The following GPM6A variants were observed in gnomAD, a reference collection of about 807,000 sequenced individuals.
The protein encoded by GPM6A is glycoprotein M6A, also known as neuronal membrane glycoprotein M6-a.
In GPM6A, 7 loss-of-function variants were observed where a neutral mutation model predicts 32.1. The observed-to-expected ratio is 0.22, with a 90% CI of 0.12 to 0.41. The LOEUF is 0.41. GPM6A is among the 10% of genes least tolerant of loss of function. The pLI is 1.00. For missense variants in GPM6A, 235 were observed against 347.2 expected (o/e 0.68, Z 2.57); for synonymous variants, 130 against 123.4 (o/e 1.05, Z -0.35).
chr4:175,794,072 T>C (rs1265939782), intron 1 of GPM6A, among the ~76,000 whole-genome samples: 3 of 152,212 alleles, frequency 2.0e-5, no homozygotes, highest in South Asian at 2.1e-4. Context: ...ATTTTCCTTC[T>C]AGAGTAATAC....
rs190401176 is a variant in GPM6A at position 175,932,638 on chromosome 4, T to C, written c.-23+69671A>G. ...AAAACAAAAATAATAGCAAAATATT[T>C]TGGATTTATAACATGTATAGAAAGA... is the stretch of plus-strand genomic sequence containing the variant. On this transcript the variant is annotated intron_variant, in intron 1 of 7. Transcript: ENST00000280187. 2.0e-3 allele frequency among the ~76,000 whole-genome samples: 308 copies of C among 152,214 alleles called. 2 individuals carry two copies. The highest frequency in any genetic ancestry group is 6.8e-3 in the African/African-American group (283 of 41,552).
At chr4:175,754,217 G>A (rs1251096346) in intron 1 of GPM6A, among the ~76,000 whole-genome samples, 1 of 152,110 alleles carries the variant, frequency 6.6e-6, no homozygotes, top group East Asian at 1.9e-4. Context: ...CTAGATGCAT[G>A]GGTATGTGCC....
intron 1 of GPM6A, among the ~76,000 whole-genome samples, chr4:175,842,815 C>T (rs1735981038): frequency 6.6e-6 from 1 of 151,690 alleles, no homozygotes; most frequent in African/African-American, 2.4e-5. Flanking sequence ...AAATATTGAC[C>T]TTATAGGTCA....
intron 1 of GPM6A, among the ~76,000 whole-genome samples, chr4:175,905,437 C>A (rs1395260000): frequency 6.6e-6 from 1 of 151,850 alleles, no homozygotes; most frequent in Admixed American, 6.6e-5. Context: ...TTATGTGTGG[C>A]CCAAGACAAT....
chr4:175,837,109 T>C (rs942527299), intron 1 of GPM6A, among the ~76,000 whole-genome samples: 1 of 151,230 alleles, frequency 6.6e-6, no homozygotes, highest in East Asian at 1.9e-4. Context: ...ATGTGACAAA[T>C]AGAGTAAGAA....
At chr4:175,974,887 T>G (rs1036848170) in intron 1 of GPM6A, among the ~76,000 whole-genome samples, 1 of 152,102 alleles carries the variant, frequency 6.6e-6, no homozygotes, top group African/African-American at 2.4e-5. Flanking sequence ...TCTCCCTATA[T>G]TGCCCAGGCT....
chr4:175,994,702 T>C (rs1279491544), intron 1 of GPM6A, among the ~76,000 whole-genome samples: 1 of 152,192 alleles, frequency 6.6e-6, no homozygotes, highest in Non-Finnish European at 1.5e-5. Context: ...GGGCAATTTC[T>C]TACAATAAGA....
chr4:175,979,613 A>G (rs1740765076), intron 1 of GPM6A, among the ~76,000 whole-genome samples: 1 of 152,120 alleles, frequency 6.6e-6, no homozygotes, highest in Non-Finnish European at 1.5e-5. Flanking sequence ...AAAAAAATAC[A>G]TATAAAAAAA....
chr4:175,774,862 C>G (rs1733329814), intron 1 of GPM6A, among the ~76,000 whole-genome samples: 1 of 152,044 alleles, frequency 6.6e-6, no homozygotes, highest in Admixed American at 6.6e-5. Context: ...GTTCATAATA[C>G]TGATGCTATA....
rs78545405 is a variant in GPM6A at position 175,726,734 on chromosome 4, A to G, written c.38-24967T>C. ...CTTTAACTTTTTATAAAAGGTTCAT[A>G]TCTTTAATCCCAGCATGTGGGGAGG... is the stretch of plus-strand genomic sequence containing the variant. On this transcript the variant is annotated intron_variant, in intron 1 of 6. Transcript: ENST00000393658. Among the ~76,000 whole-genome samples the G allele has an allele frequency of 2.0e-3, 304 of 152,314 alleles. 1 individual carries two copies. Among genetic ancestry groups the G allele is most frequent in the African/African-American group, 4.3e-3 (178 of 41,572 alleles).
intron 1 of GPM6A, among the ~76,000 whole-genome samples, chr4:175,994,871 C>G (rs1741256274): frequency 1.3e-5 from 2 of 152,192 alleles, no homozygotes; most frequent in African/African-American, 4.8e-5. Flanking sequence ...GCTGCTTTAT[C>G]AACTAAGTTT....
chr4:175,832,452 A>G (rs142442186), intron 1 of GPM6A, among the ~76,000 whole-genome samples: 109 of 152,286 alleles, frequency 7.2e-4, no homozygotes, highest in Middle Eastern at 3.4e-3. Context: ...TTTATATTCA[A>G]AGTTCCTGAT....
At chr4:175,817,136 G>T (rs571856689), upstream of GPM6A, among the ~76,000 whole-genome samples, 1 of 152,302 alleles carries the variant, frequency 6.6e-6, no homozygotes, top group South Asian at 2.1e-4. Context: ...GGGATTACGG[G>T]CGTGAGCCAC....
chr4:175,708,839 A>G (rs1157948270), intron 1 of GPM6A, among the ~76,000 whole-genome samples: 5 of 152,174 alleles, frequency 3.3e-5, no homozygotes, highest in Non-Finnish European at 1.5e-5. Context: ...TTTCTAGTGA[A>G]GTTTATACCA....
chr4:175,748,101 T>C (rs554330442), intron 1 of GPM6A, among the ~76,000 whole-genome samples: 1 of 152,302 alleles, frequency 6.6e-6, no homozygotes, highest in South Asian at 2.1e-4. Flanking sequence ...AGTTCTCTTG[T>C]TCTTTCCTCT....
chr4:175,831,690 C>A, intron 1 of GPM6A, among the ~76,000 whole-genome samples: 1 of 129,680 alleles, frequency 7.7e-6, no homozygotes, highest in Non-Finnish European at 1.6e-5. Context: ...ACAAATAGAA[C>A]TTGTTAAGGC....
chr4:175,647,570 G>A (rs572092092), intron 4 of GPM6A, among the ~76,000 whole-genome samples: 2 of 152,246 alleles, frequency 1.3e-5, no homozygotes, highest in African/African-American at 2.4e-5. Context: ...ACAGTAAGAT[G>A]TATACCTCCA....
At chr4:175,812,127 TA>T in intron 1 of GPM6A, 63 bp downstream of exon 1, 2 of 1,270,032 alleles carry the variant, frequency 1.6e-6, no homozygotes, top group Non-Finnish European at 2.2e-6. Context: ...GGCAAGTGTC[TA>T]AAGCAAACAA....
chr4:175,939,828 C>A (rs1170618547), intron 1 of GPM6A, among the ~76,000 whole-genome samples: 1 of 151,304 alleles, frequency 6.6e-6, no homozygotes. Context: ...TTTTATTTTG[C>A]ATTTATCTGC....
Sources: allele counts gnomAD v4.1 joint callset (sites outside exome capture counted in the v4.1 genomes callset), GRCh38; gene constraint gnomAD v4.1.1; transcripts MANE v1.5; gene names NCBI Gene and HGNC (gene_info 2026-07-23, HGNC 2026-07-21).